The following SUGT1 variants were observed in gnomAD, a reference collection of about 807,000 sequenced individuals.
SUGT1 encodes protein SGT1 homolog.
Under a neutral mutation model 56.1 loss-of-function variants are expected in SUGT1, and 15 were observed. The ratio of observed to expected loss-of-function variants is 0.27; its 90% CI spans 0.18 to 0.41. The LOEUF (loss-of-function observed/expected upper bound fraction) is 0.41. Ranked by LOEUF, SUGT1 falls within the 10% of genes least tolerant of loss-of-function variation. SUGT1 has a pLI of 1.00. For missense variants in SUGT1, 347 were observed against 382.2 expected (o/e 0.91, Z 0.77); for synonymous variants, 123 against 128.6 (o/e 0.96, Z 0.30).
intron 2 of SUGT1, among the ~76,000 whole-genome samples, chr13:52,655,634 C>G (rs1391657716): frequency 6.6e-6 from 1 of 152,044 alleles, no homozygotes; most frequent in Admixed American, 6.5e-5. Flanking sequence ...AGGGATGTCT[C>G]CTGAGTTTCT....
At chr13:52,683,908 C>CA (rs1963470085) in intron 12 of SUGT1, among the ~76,000 whole-genome samples, 1 of 152,046 alleles carries the variant, frequency 6.6e-6, no homozygotes, top group African/African-American at 2.4e-5. Context: ...CTTGAGACGG[C>CA]ATTTTTCTAT....
rs1394788919 is a variant in SUGT1 at position 52,653,029 on chromosome 13, CGTT to C, written c.39-13_39-11del. The C allele has an allele frequency of 4.3e-6, 7 of 1,614,110 alleles. No homozygotes were observed. The highest frequency in any genetic ancestry group is 1.7e-5 in the Admixed American group (1 of 60,014). ...CTTGGCTAGTGAGCCCTGCTGAAGT[CGTT>C]GTTTTCCTGACAGGTTTTTCCAGAG... On this transcript the variant is annotated splice_polypyrimidine_tract_variant and intron_variant, in intron 1 of 12. Coordinates refer to ENST00000310528, the MANE Select transcript of SUGT1 (RefSeq NM_006704.5).
At position 52,692,093 on chromosome 13, in the gene SUGT1, G is replaced by A. The variant is rs1004991770; in HGVS notation, c.*4258G>A. 2 of 152,196 alleles carry A rather than the reference G, an allele frequency of 1.3e-5. No individual in the cohort carries two copies. Among genetic ancestry groups the A allele is most frequent in the African/African-American group, 4.8e-5 (2 of 41,448 alleles). The allele number at this position is 152,196 out of a possible 1,614,324, so 9.4% of individuals were successfully genotyped here. A position where few individuals can be genotyped will look rare whatever the true frequency, so the allele number is the denominator to read the frequency against. On this transcript the variant is annotated 3_prime_UTR_variant, in exon 13 of 13. Coordinates refer to ENST00000310528, the MANE Select transcript of SUGT1 (RefSeq NM_006704.5). ...GAATGCTGACTCATTACTGCAAATA[G>A]TGGTAGTTACTGTGTACTAGCATTT... is the stretch of plus-strand genomic sequence containing the variant.
chr13:52,685,704 G>A (rs541245576), intron 12 of SUGT1, among the ~76,000 whole-genome samples: 2 of 152,174 alleles, frequency 1.3e-5, no homozygotes, highest in East Asian at 3.9e-4. Flanking sequence ...ATATACGAGG[G>A]GCTTCTGTCC....
intron 6 of SUGT1, among the ~76,000 whole-genome samples, 196 bp from the exon 7 acceptor site, chr13:52,662,900 G>A (rs959173943): frequency 6.6e-6 from 1 of 152,140 alleles, no homozygotes; most frequent in Non-Finnish European, 1.5e-5. Context: ...GGATTTGCTT[G>A]TATGGTATAT....
intron 10 of SUGT1, among the ~76,000 whole-genome samples, chr13:52,675,261 C>T (rs1048874012): frequency 1.3e-5 from 2 of 152,074 alleles, no homozygotes; most frequent in African/African-American, 4.8e-5. Flanking sequence ...TCCAAATGGT[C>T]GAGGATGTGT....
At chr13:52,672,160 A>G (rs559079564) in intron 10 of SUGT1, among the ~76,000 whole-genome samples, 8 of 152,298 alleles carry the variant, frequency 5.3e-5, no homozygotes, top group African/African-American at 1.9e-4. Context: ...TGGAAAAGAT[A>G]AAGGAGTTTA....
rs1194684444 is a variant in SUGT1 at position 52,698,275 on chromosome 13, A to G, written c.*10440A>G. The G allele has an allele frequency of 1.3e-5, 2 of 152,226 alleles. No homozygotes were observed. Among genetic ancestry groups the G allele is most frequent in the South Asian group, 2.1e-4 (1 of 4,828 alleles). 9.4% of individuals were successfully genotyped at this position (152,226 alleles called of 1,614,324 possible). Reference sequence around the variant, plus strand: ...ATGAGGAGACAAAAACGAAGTCAGGATTTTGGAGCTGGAATGGATCTTAAA... The same window carrying G: ...ATGAGGAGACAAAAACGAAGTCAGGGTTTTGGAGCTGGAATGGATCTTAAA... On this transcript the variant is annotated 3_prime_UTR_variant, in exon 13 of 13. Coordinates refer to ENST00000310528, the MANE Select transcript of SUGT1 (RefSeq NM_006704.5).
At position 52,663,228 on chromosome 13, in the gene SUGT1, T is replaced by C. The variant is rs903501150; in HGVS notation, c.399+116T>C. 20 of 1,043,736 alleles carry C rather than the reference T, an allele frequency of 1.9e-5. No homozygotes were observed. The Admixed American group carries it at 2.0e-4, about 11-fold the overall frequency. The allele number at this position is 1,043,736 out of a possible 1,614,324, so 64.7% of individuals were successfully genotyped here. A position where few individuals can be genotyped will look rare whatever the true frequency, so the allele number is the denominator to read the frequency against. Reference sequence around the variant, plus strand: ...GATATTTAAATATTAAGCAATTCCATTTAAGTGCTGGTTCCTCTAGGCACT... The same window carrying C: ...GATATTTAAATATTAAGCAATTCCACTTAAGTGCTGGTTCCTCTAGGCACT... On this transcript the variant is annotated intron_variant, in intron 7 of 12. Coordinates refer to ENST00000310528, the MANE Select transcript of SUGT1 (RefSeq NM_006704.5).
At chr13:52,686,759 A>G (rs1963604445) in intron 12 of SUGT1, among the ~76,000 whole-genome samples, 1 of 152,168 alleles carries the variant, frequency 6.6e-6, no homozygotes, top group South Asian at 2.1e-4. Flanking sequence ...ATTGATTTTT[A>G]TCATGTTAAA....
chr13:52,657,683 T>A (rs1962234136), intron 3 of SUGT1, 61 bp downstream of exon 3: 3 of 1,463,566 alleles, frequency 2.0e-6, no homozygotes, highest in Admixed American at 2.1e-5. Context: ...ATTTTACCCA[T>A]GACAAATTAA....
In SUGT1 at chr13:52,689,882, A is replaced by G. The variant is rs756192161; in HGVS notation, c.*2047A>G. 3.3e-5 allele frequency: 5 copies of G among 151,814 alleles called. No individual in the cohort carries two copies. Among genetic ancestry groups the G allele is most frequent in the Admixed American group, 3.3e-4 (5 of 15,228 alleles). 9.4% of individuals were successfully genotyped at this position (151,814 alleles called of 1,614,324 possible). On this transcript the variant is annotated 3_prime_UTR_variant, in exon 13 of 13. Transcript: ENST00000310528. ...TACTTGGGAGGCTCAGGCAGGGAGA[A>G]TTGCTTGAACCGGGAGGCAGGGGGT...
chr13:52,661,500 C>G (rs767201214), intron 5 of SUGT1: 3 of 347,024 alleles, frequency 8.6e-6, no homozygotes, highest in African/African-American at 2.3e-5. Flanking sequence ...ATCGTGTTGG[C>G]CAGGCTGGTC....
chr13:52,679,875 T>C, intron 11 of SUGT1, 99 bp from the exon 12 acceptor site: 1 of 1,188,588 alleles, frequency 8.4e-7, no homozygotes, highest in South Asian at 1.8e-5. Context: ...ACCTAAACTG[T>C]TTGCTAAGAT....
intron 3 of SUGT1, 30 bp from the exon 4 acceptor site, chr13:52,658,369 C>T: frequency 6.2e-7 from 1 of 1,607,904 alleles, no homozygotes. Context: ...CTATAAATAA[C>T]TGACTAAAAA....
chr13:52,658,433 C>T lies in SUGT1; in HGVS notation c.222C>T (p.Leu74=), dbSNP rs1250844437. The T allele has an allele frequency of 6.2e-7, 1 of 1,613,026 alleles. No homozygotes were observed. The highest frequency in any genetic ancestry group is 1.3e-5 in the African/African-American group (1 of 74,982). Residue 74 remains leucine, a synonymous_variant, in exon 4 of 13, where the codon CTC becomes CTT. Transcript: ENST00000310528. ...AVADAKKSLE[L]NPNNSTAMLR... ...CTGATGCAAAGAAGTCTCTAGAACT[C>T]AATCCAAATAATTCCACTGCTATGC...
At chr13:52,656,338 T>G (rs1962167774) in intron 2 of SUGT1, among the ~76,000 whole-genome samples, 1 of 152,230 alleles carries the variant, frequency 6.6e-6, no homozygotes, top group Non-Finnish European at 1.5e-5. Context: ...TCTAATATGT[T>G]CCAACTTAAT....
chr13:52,676,279 A>G lies in SUGT1; in HGVS notation c.677A>G (p.Glu226Gly). Residue 226 changes from glutamate to glycine, a missense_variant, in exon 11 of 13, where the codon GAG becomes GGG. Transcript: ENST00000310528. ...KPEAVRWEKL[E>G]GQGDVPTPKQ... ...GAGGCTGTGAGATGGGAAAAGCTAGAGGGGCAAGGAGATGTGCCTACGCCA... is the reference window on the plus strand; with the variant it reads ...GAGGCTGTGAGATGGGAAAAGCTAGGGGGGCAAGGAGATGTGCCTACGCCA... 1 of 1,613,192 alleles carries G rather than the reference A, an allele frequency of 6.2e-7. No individual in the cohort carries two copies. Among genetic ancestry groups the G allele is most frequent in the Non-Finnish European group, 8.5e-7 (1 of 1,179,518 alleles).
chr13:52,664,020 C>G lies in SUGT1; in HGVS notation c.400-15C>G, dbSNP rs1257098332. The G allele has an allele frequency of 1.9e-6, 3 of 1,612,334 alleles. No individual in the cohort carries two copies. The highest frequency in any genetic ancestry group is 3.3e-5 in the Admixed American group (2 of 59,790). ...TCTTTCTCTTTCAACTTACCAAAAT[C>G]AATCTGCATCCCAGTGGACTCATCA... On this transcript the variant is annotated splice_polypyrimidine_tract_variant and intron_variant, in intron 7 of 12. Coordinates refer to ENST00000310528, the MANE Select transcript of SUGT1 (RefSeq NM_006704.5).
Sources: gnomAD v4.1 joint callset for allele counts (sites outside exome capture counted in the v4.1 genomes callset) on GRCh38, gnomAD v4.1.1 for gene constraint, MANE v1.5 for transcripts, NCBI Gene and HGNC (gene_info 2026-07-23, HGNC 2026-07-21) for gene names.